FLG: variants seen among roughly 807,000 people sequenced by gnomAD.
FLG encodes epidermal filaggrin.
A neutral mutation model predicts 3.8 loss-of-function variants in FLG; 6 were observed. That is an observed-to-expected ratio of 1.60 (90% CI 0.87 to 3.15). The LOEUF is 3.15. Ranked by LOEUF, FLG falls within the 30% of genes most tolerant of loss-of-function variation. FLG has a pLI of 0.00. For missense variants in FLG, 7,595 were observed against 5,050.9 expected (o/e 1.50, Z -15.27); for synonymous variants, 2,551 against 1,931.6 (o/e 1.32, Z -8.41).
chr1:152,308,117 C>T lies in FLG; in HGVS notation c.6769G>A (p.Glu2257Lys). The change falls in exon 3 of 3, where the codon GAG becomes AAG. Residue 2257 changes from glutamate (E) to lysine (K), a missense_variant. Transcript: ENST00000368799. ...SDSEGHSEDSERRSGSASRNH... is the reference protein window; with the variant it reads ...SDSEGHSEDSKRRSGSASRNH... The stretch of plus-strand genomic sequence containing the variant: ...CTGGACGCAGACCCAGACCGCCTCT[C>T]AGAATCTTCTGAGTGTCCCTCACTG... 1 of 1,614,070 alleles carries T rather than the reference C, an allele frequency of 6.2e-7. No homozygotes were observed. The highest frequency in any genetic ancestry group is 8.5e-7 in the Non-Finnish European group (1 of 1,180,010).
At position 152,311,316 on chromosome 1, in the gene FLG, G is replaced by A. The variant is rs1652404870; in HGVS notation, c.3570C>T (p.His1190=). Residue 1190 remains histidine (H), a synonymous_variant, in exon 3 of 3, where the codon CAC becomes CAT. Transcript: ENST00000368799. Reference sequence around the variant, plus strand: ...TGGTGTGGCTGTGATGGGACCCTGAGTGTCCAGATCTATCTACCGATTGCT... The same window carrying A: ...TGGTGTGGCTGTGATGGGACCCTGAATGTCCAGATCTATCTACCGATTGCT... ...HHEQSVDRSG[H]SGSHHSHTTS... is the part of the protein sequence containing the mutation. The A allele has an allele frequency of 6.2e-7, 1 of 1,613,832 alleles. No homozygotes were observed. Among genetic ancestry groups the A allele is most frequent in the East Asian group, 2.2e-5 (1 of 44,824 alleles).
At position 152,304,569 on chromosome 1, in the gene FLG, C is replaced by T. The variant is rs1487906595; in HGVS notation, c.10317G>A (p.Gly3439=). ...ATCCCTGCCTTCCTCTTCTGCTTGACCCCGGGTGTCCACGAATGGTGTCCT... is the reference window on the plus strand; with the variant it reads ...ATCCCTGCCTTCCTCTTCTGCTTGATCCCGGGTGTCCACGAATGGTGTCCT... ...EGQDTIRGHP[G]SSRRGRQGSH... is the part of the protein sequence containing the mutation. Residue 3439 remains glycine, a synonymous_variant, in exon 3 of 3, where the codon GGG becomes GGA. Coordinates refer to ENST00000368799, the MANE Select transcript of FLG (RefSeq NM_002016.2). 1.1e-5 allele frequency: 17 copies of T among 1,610,378 alleles called. No individual in the cohort carries two copies. Among genetic ancestry groups the T allele is most frequent in the Non-Finnish European group, 1.4e-5 (16 of 1,178,300 alleles).
rs200418828 is a variant in FLG at position 152,313,745 on chromosome 1, C to G, written c.1141G>C (p.Gly381Arg). The G allele has an allele frequency of 1.1e-4, 177 of 1,613,942 alleles. No homozygotes were observed. The highest frequency in any genetic ancestry group is 1.3e-4 in the Non-Finnish European group (149 of 1,179,978). Residue 381 changes from glycine (G) to arginine (R), a missense_variant, in exon 3 of 3, where the codon GGA (glycine) becomes CGA (arginine). Gly to Arg is a moderately radical substitution (Grantham distance 125, BLOSUM62 -2). Coordinates refer to ENST00000368799, the MANE Select transcript of FLG (RefSeq NM_002016.2). ...TGGTGGCCGGATCCATGTCTTTCTC[C>G]TGGACTTGATCTTGCCTGTTCATGG... is the stretch of plus-strand genomic sequence containing the variant. Reference protein sequence around the residue: ...SSHEQARSSPGERHGSGHQQS... With the variant: ...SSHEQARSSPRERHGSGHQQS...
Position 152,302,942 on chromosome 1 carries a change from C to G in FLG, c.11944G>C (p.Ala3982Pro), listed in dbSNP as rs1400873525. ...CCGGATTCACCATAATCATAATCTG[C>G]ACTACCATAGCTGCCATGTCTCCAA... is the stretch of plus-strand genomic sequence containing the variant. ...LVWRHGSYGSADYDYGESGFR... is the reference protein window; with the variant it reads ...LVWRHGSYGSPDYDYGESGFR... The change falls in exon 3 of 3, where the codon GCA becomes CCA. Residue 3982 changes from alanine (A) to proline (P), a missense_variant. By Grantham distance (27) the Ala-to-Pro change is conservative. Transcript: ENST00000368799. The G allele has an allele frequency of 1.2e-6, 2 of 1,614,196 alleles. No homozygotes were observed. Among genetic ancestry groups the G allele is most frequent in the East Asian group, 4.5e-5 (2 of 44,890 alleles).
rs1652215714 is a variant in FLG, at chr1:152,309,245, A to T, written c.5641T>A (p.Ser1881Thr). ...EKQSGDGSRH[S>T]GSRHHEASSR... ...GAAGCTTCATGGTGACGCGACCCTGAGTGCCTGGAGCCGTCTCCTGATTGT... is the reference window on the plus strand; with the variant it reads ...GAAGCTTCATGGTGACGCGACCCTGTGTGCCTGGAGCCGTCTCCTGATTGT... Residue 1881 changes from serine to threonine, a missense_variant, in exon 3 of 3, where the codon TCA becomes ACA. Physicochemically the swap from Ser to Thr is moderately conservative, Grantham distance 58. Transcript: ENST00000368799. 4 of 1,613,314 alleles carry T rather than the reference A, an allele frequency of 2.5e-6. No homozygotes were observed. The highest frequency in any genetic ancestry group is 3.4e-6 in the Non-Finnish European group (4 of 1,179,902).
rs761116243 is a variant in FLG, at chr1:152,308,676, C to T, written c.6210G>A (p.Gln2070=). Residue 2070 remains glutamine (Q), a synonymous_variant, in exon 3 of 3, where the codon CAG becomes CAA. Transcript: ENST00000368799. The stretch of plus-strand genomic sequence containing the variant: ...GGCCACGTGCGGACTCTTTGTGGCT[C>T]TGCTGATGGGGCCCAGCTTTTCCCT... The part of the protein sequence containing the change: ...SAQGKAGPHQ[Q]SHKESARGQS... 7 of 1,614,192 alleles carry T rather than the reference C, an allele frequency of 4.3e-6. No individual in the cohort carries two copies. Among genetic ancestry groups the T allele is most frequent in the East Asian group, 4.5e-5 (2 of 44,876 alleles).
Position 152,309,607 on chromosome 1 carries a change from C to A in FLG, c.5279G>T (p.Gly1760Val), listed in dbSNP as rs778313267. 1 of 1,613,828 alleles carries A rather than the reference C, an allele frequency of 6.2e-7. No individual in the cohort carries two copies. Among genetic ancestry groups the A allele is most frequent in the Non-Finnish European group, 8.5e-7 (1 of 1,180,000 alleles). ...CTGGTAGAGGAAAGACCCTGAACGTCCAGACCTTTCCCCTGACTGGCCACG... is the reference window on the plus strand; with the variant it reads ...CTGGTAGAGGAAAGACCCTGAACGTACAGACCTTTCCCCTGACTGGCCACG... ...STRGQSGERS[G>V]RSGSFLYQVS... The change falls in exon 3 of 3, where the codon GGA becomes GTA. Residue 1760 changes from glycine (G) to valine (V), a missense_variant. Gly to Val is a moderately radical substitution (Grantham distance 109). Transcript: ENST00000368799.
rs1467845458 is a variant in FLG, at chr1:152,308,056, T to C, written c.6830A>G (p.Asp2277Gly). 1 of 1,614,114 alleles carries C rather than the reference T, an allele frequency of 6.2e-7. No homozygotes were observed. The highest frequency in any genetic ancestry group is 1.1e-5 in the South Asian group (1 of 91,082). The change falls in exon 3 of 3, where the codon GAT (aspartate) becomes GGT (glycine). Residue 2277 changes from aspartate to glycine, a missense_variant. Transcript: ENST00000368799. ...HHGSAQEQSR[D>G]GSRHPRSHHE... is the part of the protein sequence containing the mutation. ...ATGGGACCTGGGGTGTCTGGAGCCA[T>C]CTCTTGACTGCTCCTGAGCAGATCC...
rs1180493633 is a variant in FLG at position 152,304,398 on chromosome 1, T to C, written c.10488A>G (p.Gly3496=). 1.2e-6 allele frequency: 2 copies of C among 1,611,762 alleles called. 1 individual carries two copies. Among genetic ancestry groups the C allele is most frequent in the Non-Finnish European group, 1.7e-6 (2 of 1,179,084 alleles). ...GCGACCATGAGTGCCTGGAGCCATC[T>C]CCTGATTGTTCGTCATTACGAGTTT... is the stretch of plus-strand genomic sequence containing the variant. The part of the protein sequence containing the change: ...SRQTRNDEQS[G]DGSRHSWSHH... Residue 3496 remains glycine, a synonymous_variant, in exon 3 of 3, where the codon GGA becomes GGG. Transcript: ENST00000368799.
rs1033418056 is a variant in FLG at position 152,302,854 on chromosome 1, C to A, written c.12032G>T (p.Arg4011Ile). 6 of 1,614,188 alleles carry A rather than the reference C, an allele frequency of 3.7e-6. No individual in the cohort carries two copies. In the East Asian group the frequency reaches 1.1e-4, roughly 30 times the overall value. ...CGCACTTGCTTTACAGATATCAGAT[C>A]TTTCCTTGAAAACAACAGGATTGGA... ...YNSNPVVFKE[R>I]SDICKASAFG... is the part of the protein sequence containing the mutation. Residue 4011 changes from arginine (R) to isoleucine (I), a missense_variant, in exon 3 of 3, where the codon AGA (arginine) becomes ATA (isoleucine). By Grantham distance (97) the Arg-to-Ile change is moderately conservative (BLOSUM62 -3). Transcript: ENST00000368799.
At chr1:152,317,873 C>T (rs1652839467) in intron 1 of FLG, among the ~76,000 whole-genome samples, 2 of 151,958 alleles carry the variant, frequency 1.3e-5, no homozygotes, top group Non-Finnish European at 2.9e-5. Flanking sequence ...ACCCGTTATC[C>T]TCATCAGTTA....
Position 152,302,175 on chromosome 1 carries a change from A to G in FLG, c.*525T>C, listed in dbSNP as rs1651655963. On this transcript the variant is annotated 3_prime_UTR_variant, in exon 3 of 3. Transcript: ENST00000368799. The stretch of plus-strand genomic sequence containing the variant: ...AAGAGACAAACAGTATTATATGATG[A>G]ATAGTTTATTTTTAATTTAGATGCA... 6.1e-6 allele frequency: 1 copy of G among 164,572 alleles called. No individual in the cohort carries two copies. Among genetic ancestry groups the G allele is most frequent in the Non-Finnish European group, 1.3e-5 (1 of 75,152 alleles). 10.2% of individuals were successfully genotyped at this position (164,572 alleles called of 1,614,324 possible). A position where few individuals can be genotyped will look rare whatever the true frequency, so the allele number is the denominator to read the frequency against.
rs144419479 is a variant in FLG, at chr1:152,311,957, G to A, written c.2929C>T (p.Gln977Ter). 1.1e-4 allele frequency: 182 copies of A among 1,613,982 alleles called. No individual in the cohort carries two copies. Among genetic ancestry groups the A allele is most frequent in the Non-Finnish European group, 1.5e-4 (172 of 1,180,002 alleles). The change falls in exon 3 of 3, where the codon CAG becomes TAG. Residue 977 changes from glutamine (Q) to a stop codon, truncating the protein, a stop_gained. Transcript: ENST00000368799. LOFTEE classifies it low-confidence loss of function (END_TRUNC). Reference protein sequence around the residue: ...SRNHRGSAQEQSRHGSRHPRS... With the variant: ...SRNHRGSAQE ...GGGTGTCTGGAGCCATGTCTTGACT[G>A]CTCCTGAGCAGATCCACGATGGTTT...
Position 152,313,199 on chromosome 1 carries a change from C to T in FLG, c.1687G>A (p.Gly563Arg). The change falls in exon 3 of 3, where the codon GGA (glycine) becomes AGA (arginine). Residue 563 changes from glycine to arginine, a missense_variant. Transcript: ENST00000368799. Reference protein sequence around the residue: ...GRSDASHGQSGSRSASRQTRN... With the variant: ...GRSDASHGQSRSRSASRQTRN... ...GTTTGTCTGCTTGCACTTCTGGATC[C>T]TGACTGCCCATGGGAGGCATCAGAC... 1.2e-6 allele frequency: 2 copies of T among 1,613,820 alleles called. No individual in the cohort carries two copies. Among genetic ancestry groups the T allele is most frequent in the South Asian group, 1.1e-5 (1 of 91,066 alleles).
chr1:152,322,782 C>T (rs151179202), intron 1 of FLG, among the ~76,000 whole-genome samples: 2 of 151,264 alleles, frequency 1.3e-5, no homozygotes, highest in African/African-American at 4.8e-5. Flanking sequence ...GTCTAAATAG[C>T]ATTAAGATAT....
rs57913041 is a variant in FLG, at chr1:152,323,946, T to C, written c.-22+1243A>G. On this transcript the variant is annotated intron_variant, in intron 1 of 2. Transcript: ENST00000368799. ...TTTCAGATAACATAATAGTCAGTGT[T>C]GGGAGATGAAGGTAGACTGGACTAG... Among the ~76,000 whole-genome samples, 1,443 of 151,836 alleles carry C rather than the reference T, an allele frequency of 9.5e-3. 25 individuals are homozygous for C. The highest frequency in any genetic ancestry group is 0.033 in the African/African-American group (1,371 of 41,470).
In FLG at chr1:152,313,611, A is replaced by C; in HGVS notation, c.1275T>G (p.Ser425Arg). ...TGTCTGAGTTTTCTGAATGTCCCTCACTGTCACTGGCCTGACTACCGCTAG... is the reference window on the plus strand; with the variant it reads ...TGTCTGAGTTTTCTGAATGTCCCTCCCTGTCACTGGCCTGACTACCGCTAG... ...RGSSGSQASD[S>R]EGHSENSDTQ... Residue 425 changes from serine to arginine, a missense_variant, in exon 3 of 3, where the codon AGT becomes AGG. Transcript: ENST00000368799. 1 of 1,613,210 alleles carries C rather than the reference A, an allele frequency of 6.2e-7. No homozygotes were observed. The highest frequency in any genetic ancestry group is 8.5e-7 in the Non-Finnish European group (1 of 1,179,786).
At chr1:152,318,253 T>C (rs1238192195) in intron 1 of FLG, among the ~76,000 whole-genome samples, 2 of 151,976 alleles carry the variant, frequency 1.3e-5, no homozygotes, top group African/African-American at 4.8e-5. Context: ...CCTGCTTCTC[T>C]CAATTTTCTA....
At position 152,309,600 on chromosome 1, in the gene FLG, T is replaced by C. The variant is rs202158640; in HGVS notation, c.5286A>G (p.Ser1762=). 1 of 1,613,942 alleles carries C rather than the reference T, an allele frequency of 6.2e-7. No homozygotes were observed. Among genetic ancestry groups the C allele is most frequent in the East Asian group, 2.2e-5 (1 of 44,826 alleles). Residue 1762 remains serine, a synonymous_variant, in exon 3 of 3, where the codon TCA becomes TCG. Transcript: ENST00000368799. The part of the protein sequence containing the change: ...RGQSGERSGR[S]GSFLYQVSTH... ...TGCTCACCTGGTAGAGGAAAGACCCTGAACGTCCAGACCTTTCCCCTGACT... is the reference window on the plus strand; with the variant it reads ...TGCTCACCTGGTAGAGGAAAGACCCCGAACGTCCAGACCTTTCCCCTGACT...
Sources: allele counts gnomAD v4.1 joint callset (sites outside exome capture counted in the v4.1 genomes callset), GRCh38; gene constraint gnomAD v4.1.1; transcripts MANE v1.5; gene names NCBI Gene and HGNC (gene_info 2026-07-23, HGNC 2026-07-21).